EIF3K: variants seen among roughly 807,000 people sequenced by gnomAD.
EIF3K encodes eIF-3 p28.
In EIF3K, 27 loss-of-function variants were observed where a neutral mutation model predicts 34.2. That is an observed-to-expected ratio of 0.79 (90% CI 0.58 to 1.09). The LOEUF is 1.09. Among genes scored for constraint, EIF3K ranks in the 50% least tolerant of loss-of-function variants. EIF3K has a pLI of 0.00. For synonymous variants in EIF3K, 105 were observed against 105.7 expected, an observed-to-expected ratio of 0.99 and a Z score of 0.04; for missense variants, 232 against 275.4, an observed-to-expected ratio of 0.84 and a Z score of 1.11.
chr19:38,627,937 C>CTG (rs1975983046), intron 4 of EIF3K, among the ~76,000 whole-genome samples: 1 of 145,436 alleles, frequency 6.9e-6, no homozygotes, highest in African/African-American at 2.7e-5. Flanking sequence ...CCATGTCTCG[C>CTG]TGTGTCACCC....
intron 6 of EIF3K, among the ~76,000 whole-genome samples, chr19:38,633,341 CAAAAA>C (rs1043075662): frequency 6.6e-6 from 1 of 150,926 alleles, no homozygotes; most frequent in Non-Finnish European, 1.5e-5. Flanking sequence ...CCCCCAAGAA[CAAAAA>C]AAGAAAAAAT....
At chr19:38,625,313 A>G (rs1180869606) in intron 3 of EIF3K, among the ~76,000 whole-genome samples, 2 of 151,578 alleles carry the variant, frequency 1.3e-5, no homozygotes, top group East Asian at 1.9e-4. Flanking sequence ...AGGTGCATGC[A>G]TGCTACCACG....
At chr19:38,634,835 G>A (rs754002127) in intron 6 of EIF3K, among the ~76,000 whole-genome samples, 158 bp from the exon 7 acceptor site, 5 of 152,122 alleles carry the variant, frequency 3.3e-5, no homozygotes, top group Non-Finnish European at 5.9e-5. Flanking sequence ...GGGCAGGGGC[G>A]GAAGCAAGGA....
chr19:38,625,653 G>A (rs1207582753), intron 3 of EIF3K, among the ~76,000 whole-genome samples: 4 of 150,688 alleles, frequency 2.7e-5, no homozygotes, highest in African/African-American at 9.8e-5. Flanking sequence ...GGGACTATAG[G>A]CACGTGCCAC....
At chr19:38,635,555 A>T (rs1337783818) in intron 7 of EIF3K, 1 of 230,412 alleles carries the variant, frequency 4.3e-6, no homozygotes, top group African/African-American at 2.2e-5. Flanking sequence ...TCATCTAAAA[A>T]ATGGGGACGA....
chr19:38,629,271 GTTTT>G (rs1288711266), intron 4 of EIF3K, among the ~76,000 whole-genome samples: 3 of 112,244 alleles, frequency 2.7e-5, no homozygotes, highest in Admixed American at 8.7e-5. Context: ...TTGTTTGTTT[GTTTT>G]GTTTTGTTTT....
At chr19:38,621,903 C>CCTT (rs1975848901) in intron 2 of EIF3K, among the ~76,000 whole-genome samples, 2 of 111,504 alleles carry the variant, frequency 1.8e-5, no homozygotes, top group African/African-American at 7.1e-5. Flanking sequence ...TCTTCGTGCC[C>CCTT]TTTTTTTTTT....
At chr19:38,625,718 C>T (rs922471317) in intron 3 of EIF3K, among the ~76,000 whole-genome samples, 23 of 152,044 alleles carry the variant, frequency 1.5e-4, no homozygotes, top group Admixed American at 6.6e-4. Context: ...CTATGTTGGC[C>T]AGGCTGGTGT....
rs762970374 is a variant in EIF3K at position 38,624,216 on chromosome 19, G to T, written c.279+19G>T. On this transcript the variant is annotated intron_variant, in intron 3 of 7. Transcript: ENST00000248342. ...GGCACATGTATCCTTCCAGCACTGG[G>T]GCCGGGGGGTGTGTGGGAAGGGGTC... 1 of 1,613,954 alleles carries T rather than the reference G, an allele frequency of 6.2e-7. No individual in the cohort carries two copies. Among genetic ancestry groups the T allele is most frequent in the Non-Finnish European group, 8.5e-7 (1 of 1,179,922 alleles).
intron 3 of EIF3K, among the ~76,000 whole-genome samples, chr19:38,625,707 G>C (rs145311596): frequency 2.0e-5 from 3 of 151,192 alleles, no homozygotes; most frequent in Non-Finnish European, 2.9e-5. Context: ...ATGGGGTTTC[G>C]CTATGTTGGC....
At chr19:38,623,078 G>T (rs905493514) in intron 2 of EIF3K, among the ~76,000 whole-genome samples, 1 of 152,212 alleles carries the variant, frequency 6.6e-6, no homozygotes, top group Non-Finnish European at 1.5e-5. Flanking sequence ...AGGATTAAGA[G>T]ATTAAAGTAA....
intron 3 of EIF3K, among the ~76,000 whole-genome samples, chr19:38,624,959 A>G (rs1568652318): frequency 2.0e-5 from 3 of 152,168 alleles, no homozygotes; most frequent in African/African-American, 7.2e-5. Flanking sequence ...ATTTTTAACT[A>G]GAAACTATAA....
intron 2 of EIF3K, among the ~76,000 whole-genome samples, chr19:38,623,629 C>G (rs1327956107): frequency 6.6e-6 from 1 of 151,674 alleles, no homozygotes; most frequent in Non-Finnish European, 1.5e-5. Flanking sequence ...TTCTGTTGTC[C>G]TCTTTTGCAA....
intron 2 of EIF3K, 60 bp downstream of exon 2, chr19:38,620,495 A>C: frequency 7.0e-7 from 1 of 1,433,194 alleles, no homozygotes; most frequent in Non-Finnish European, 9.8e-7. Flanking sequence ...TGCCACTCCC[A>C]GTACAGGGCA....
chr19:38,628,880 G>A (rs566961097), intron 4 of EIF3K, among the ~76,000 whole-genome samples: 1 of 151,260 alleles, frequency 6.6e-6, no homozygotes, highest in South Asian at 2.1e-4. Context: ...CTGCAGCTAC[G>A]GTCTTGCTTC....
chr19:38,636,381 G>A (rs778543111), intron 7 of EIF3K, among the ~76,000 whole-genome samples: 1 of 152,132 alleles, frequency 6.6e-6, no homozygotes, highest in African/African-American at 2.4e-5. Context: ...TACTCAGGAG[G>A]CTGAGGCAGG....
intron 4 of EIF3K, chr19:38,631,052 C>G (rs1599737446): frequency 1.3e-5 from 2 of 152,224 alleles, no homozygotes; most frequent in South Asian, 4.1e-4. Flanking sequence ...CTCAAGTGAT[C>G]CACCCACCTC....
In EIF3K at chr19:38,622,995, CAT is replaced by C. The variant is rs200121192; in HGVS notation, c.159-1081_159-1080del. 8.6e-3 allele frequency among the ~76,000 whole-genome samples: 1,313 copies of C among 152,314 alleles called. 25 individuals are homozygous for C. Among genetic ancestry groups the C allele is most frequent in the African/African-American group, 0.03 (1,241 of 41,558 alleles). On this transcript the variant is annotated intron_variant, in intron 2 of 7. Coordinates refer to ENST00000248342, the MANE Select transcript of EIF3K (RefSeq NM_013234.4). Reference sequence around the variant, plus strand: ...CCACATTTCATATTGCTCAAACACACATGTTGTGCAATTTTTGTAGTTAACGC... The same window carrying C: ...CCACATTTCATATTGCTCAAACACACGTTGTGCAATTTTTGTAGTTAACGC...
chr19:38,624,103 A>G lies in EIF3K; in HGVS notation c.185A>G (p.Gln62Arg), dbSNP rs371604503. ...KLYQFNPAFF[Q>R]TTVTAQILLK... ...TACCAGTTCAACCCAGCCTTCTTTC[A>G]GACCACGGTCACCGCCCAGATCCTG... is the stretch of plus-strand genomic sequence containing the variant. The change falls in exon 3 of 8, where the codon CAG becomes CGG. Residue 62 changes from glutamine (Q) to arginine (R), a missense_variant. By Grantham distance (43) the Gln-to-Arg change is conservative. Transcript: ENST00000248342. The G allele has an allele frequency of 6.2e-7, 1 of 1,614,154 alleles. No homozygotes were observed.
Sources: gnomAD v4.1 joint callset for allele counts (sites outside exome capture counted in the v4.1 genomes callset) on GRCh38, gnomAD v4.1.1 for gene constraint, MANE v1.5 for transcripts, NCBI Gene and HGNC (gene_info 2026-07-23, HGNC 2026-07-21) for gene names.